Variants in RAPGEF6 observed in about 807,000 individuals in gnomAD.
RAPGEF6 encodes the protein PDZ domain containing guanine nucleotide exchange factor (GEF) 2.
RAPGEF6 carries 56 observed loss-of-function variants against 171.4 expected under a neutral mutation model. The observed-to-expected ratio is 0.33, with a 90% CI of 0.26 to 0.41. RAPGEF6 has a LOEUF of 0.41. Among genes scored for constraint, RAPGEF6 ranks in the 10% least tolerant of loss-of-function variants. The probability of loss-of-function intolerance (pLI) is 1.00; values close to 1 mark genes in which losing one functional copy is unlikely to be tolerated. For synonymous variants in RAPGEF6, 692 were observed against 650.1 expected, an observed-to-expected ratio of 1.06 and a Z score of -0.98; for missense variants, 1,674 against 1,921.4, an observed-to-expected ratio of 0.87 and a Z score of 2.41.
intron 21 of RAPGEF6, chr5:131,447,299 C>T (rs766541360): frequency 1.3e-5 from 2 of 152,484 alleles, no homozygotes; most frequent in Non-Finnish European, 2.9e-5. Context: ...TCAATACAGT[C>T]GGACATCAGA....
At chr5:131,589,911 C>T (rs370179631) in intron 4 of RAPGEF6, among the ~76,000 whole-genome samples, 1 of 152,138 alleles carries the variant, frequency 6.6e-6, no homozygotes, top group African/African-American at 2.4e-5. Flanking sequence ...CCCAGAGCAA[C>T]CCAGTGAATG....
rs763543100 is a variant in RAPGEF6 at position 131,505,454 on chromosome 5, A to G, written c.1011T>C (p.Asn337=). ...TTCCAAAACTATTTCCCATAAACAA[A>G]TTTTCAACTTTTCCATCTGGATGAC... is the stretch of plus-strand genomic sequence containing the variant. The part of the protein sequence containing the change: ...EISHPDGKVE[N]LFMGNSFGIT... The change falls in exon 10 of 28, where the codon AAT becomes AAC. Residue 337 remains asparagine, a synonymous_variant. Coordinates refer to ENST00000509018, the MANE Select transcript of RAPGEF6 (RefSeq NM_016340.6). The G allele has an allele frequency of 6.2e-7, 1 of 1,613,538 alleles. No homozygotes were observed.
chr5:131,562,513 G>A (rs947665491), intron 4 of RAPGEF6, among the ~76,000 whole-genome samples: 4 of 152,184 alleles, frequency 2.6e-5, no homozygotes, highest in African/African-American at 9.6e-5. Context: ...TCACACTTGA[G>A]TAGTCTCTTG....
At chr5:131,594,579 C>T (rs1335931879) in intron 3 of RAPGEF6, among the ~76,000 whole-genome samples, 2 of 152,200 alleles carry the variant, frequency 1.3e-5, no homozygotes, top group East Asian at 1.9e-4. Context: ...GTCCTTCAGA[C>T]CCCAGAATGG....
chr5:131,582,789 A>C (rs1763039158), intron 4 of RAPGEF6, among the ~76,000 whole-genome samples: 1 of 152,226 alleles, frequency 6.6e-6, no homozygotes, highest in Non-Finnish European at 1.5e-5. Flanking sequence ...AAAATGGGTC[A>C]AAGGCTCAGA....
intron 3 of RAPGEF6, among the ~76,000 whole-genome samples, chr5:131,597,805 A>C (rs1216110147): frequency 6.6e-6 from 1 of 152,206 alleles, no homozygotes; most frequent in Admixed American, 6.5e-5. Context: ...CAGTAGGATT[A>C]TTATGGTTAA....
Position 131,561,827 on chromosome 5 carries a change from T to C in RAPGEF6, c.351+151A>G, listed in dbSNP as rs183106790. On this transcript the variant is annotated intron_variant, in intron 5 of 27. Coordinates refer to ENST00000509018, the MANE Select transcript of RAPGEF6 (RefSeq NM_016340.6). ...CAAAAAAAGTCTGAAGAGACAGAAA[T>C]AGATAAACCTGGTAGATAGTTCTGA... 5 of 582,034 alleles carry C rather than the reference T, an allele frequency of 8.6e-6. No homozygotes were observed. In the Admixed American group the frequency reaches 1.1e-4, roughly 13 times the overall value. The allele number at this position is 582,034 out of a possible 1,614,324, so 36.1% of individuals were successfully genotyped here. A position where few individuals can be genotyped will look rare whatever the true frequency, so the allele number is the denominator to read the frequency against.
intron 13 of RAPGEF6, among the ~76,000 whole-genome samples, chr5:131,493,523 C>A (rs1198771089): frequency 2.6e-5 from 4 of 152,196 alleles, no homozygotes; most frequent in Non-Finnish European, 5.9e-5. Context: ...AAGAAACATT[C>A]AAGTTTTCAT....
At position 131,489,667 on chromosome 5, in the gene RAPGEF6, T is replaced by TA; in HGVS notation, c.1732-14dup. On this transcript the variant is annotated splice_polypyrimidine_tract_variant and intron_variant, in intron 14 of 27. Transcript: ENST00000509018. ...TTACTTCCATAATCTTAAAAGTATT[T>TA]AAAAAATACAAATTAATACAGAACA... 1 of 1,410,610 alleles carries TA rather than the reference T, an allele frequency of 7.1e-7. No homozygotes were observed. The highest frequency in any genetic ancestry group is 9.8e-7 in the Non-Finnish European group (1 of 1,019,848). The allele number at this position is 1,410,610 out of a possible 1,614,324, so 87.4% of individuals were successfully genotyped here.
At chr5:131,515,478 A>C (rs921754232) in intron 7 of RAPGEF6, among the ~76,000 whole-genome samples, 4 of 152,196 alleles carry the variant, frequency 2.6e-5, no homozygotes, top group African/African-American at 9.6e-5. Context: ...AGTGCAAAAA[A>C]AGAATTTCTA....
At chr5:131,459,728 A>T (rs183863496) in intron 19 of RAPGEF6, among the ~76,000 whole-genome samples, 409 of 152,286 alleles carry the variant, frequency 2.7e-3, no homozygotes, top group African/African-American at 9.0e-3. Context: ...AAGATAAATT[A>T]AAAAAATTAG....
chr5:131,461,803 T>C lies in RAPGEF6; in HGVS notation c.2766A>G (p.Ala922=). 6.2e-7 allele frequency: 1 copy of C among 1,613,910 alleles called. No homozygotes were observed. Among genetic ancestry groups the C allele is most frequent in the South Asian group, 1.1e-5 (1 of 91,072 alleles). Residue 922 remains alanine, a synonymous_variant, in exon 19 of 28, where the codon GCA becomes GCG. Transcript: ENST00000509018. ...FWVASEILTE[A]NQLKRMKIIK... ...TAATCTTCATTCGTTTGAGCTGATT[T>C]GCTTCAGTTAAAATTTCTGAGGCAA... is the stretch of plus-strand genomic sequence containing the variant.
intron 7 of RAPGEF6, among the ~76,000 whole-genome samples, chr5:131,514,736 A>AT (rs1347124795): frequency 6.6e-6 from 1 of 152,156 alleles, no homozygotes; most frequent in African/African-American, 2.4e-5. Flanking sequence ...CCAAAAAAAA[A>AT]TTAATAAAGC....
intron 4 of RAPGEF6, among the ~76,000 whole-genome samples, chr5:131,583,392 C>G (rs1369686191): frequency 6.6e-6 from 1 of 152,152 alleles, no homozygotes; most frequent in African/African-American, 2.4e-5. Flanking sequence ...TAAATAAGAC[C>G]TAAGGCCATG....
intron 17 of RAPGEF6, chr5:131,472,374 G>A (rs2149847274): frequency 1.5e-6 from 1 of 652,964 alleles, no homozygotes; most frequent in Admixed American, 2.2e-5. Context: ...CCTGGCCAGA[G>A]GTAGTCTCTT....
At chr5:131,447,667 C>A (rs1397800699) in intron 21 of RAPGEF6, among the ~76,000 whole-genome samples, 2 of 152,146 alleles carry the variant, frequency 1.3e-5, no homozygotes, top group African/African-American at 4.8e-5. Flanking sequence ...AAATTAAGCT[C>A]CATTTTTATA....
intron 6 of RAPGEF6, among the ~76,000 whole-genome samples, chr5:131,521,784 C>T (rs749773239): frequency 3.3e-4 from 50 of 149,814 alleles, no homozygotes; most frequent in Middle Eastern, 3.2e-3. Context: ...CTTGGCCCTT[C>T]TATCCTCCCA....
Position 131,429,215 on chromosome 5 carries a change from C to A in RAPGEF6, c.4467G>T (p.Val1489=), listed in dbSNP as rs758345519. Residue 1489 remains valine (V), a splice_region_variant and synonymous_variant, in exon 27 of 28, where the codon GTG becomes GTT. Transcript: ENST00000509018. ...CCTTCTTGGGTGAGGTGACACAGTA[C>A]ACTGGCATGAAAAATAAGCAATGAA... is the stretch of plus-strand genomic sequence containing the variant. ...VTSSTEKGLI[V]YCVTSPKKDD... 3.2e-6 allele frequency: 5 copies of A among 1,559,790 alleles called. No individual in the cohort carries two copies. The South Asian group carries it at 4.7e-5, about 15-fold the overall frequency.
At chr5:131,441,583 T>C (rs1452212820) in intron 23 of RAPGEF6, among the ~76,000 whole-genome samples, 2 of 152,242 alleles carry the variant, frequency 1.3e-5, no homozygotes, top group African/African-American at 4.8e-5. Flanking sequence ...TTTGTTCTTT[T>C]ATATGTTCTG....
Sources: allele counts gnomAD v4.1 joint callset (sites outside exome capture counted in the v4.1 genomes callset), GRCh38; gene constraint gnomAD v4.1.1; transcripts MANE v1.5; gene names NCBI Gene and HGNC (gene_info 2026-07-23, HGNC 2026-07-21).